Variants in CARF observed in about 807,000 individuals in gnomAD.
CARF encodes the protein calcium-responsive transcription factor.
CARF carries 57 observed loss-of-function variants against 82.0 expected under a neutral mutation model. That is an observed-to-expected ratio of 0.70 (90% CI 0.56 to 0.87). The LOEUF is 0.87. Ranked by LOEUF, CARF falls within the 40% of genes least tolerant of loss-of-function variation. The probability of loss-of-function intolerance (pLI) is 0.00; values close to 1 mark genes in which losing one functional copy is unlikely to be tolerated. For synonymous variants in CARF, 268 were observed against 290.1 expected, an observed-to-expected ratio of 0.92 and a Z score of 0.77; for missense variants, 771 against 855.8, an observed-to-expected ratio of 0.90 and a Z score of 1.24.
intron 8 of CARF, among the ~76,000 whole-genome samples, chr2:202,958,796 T>G (rs1055020237): frequency 6.6e-6 from 1 of 151,514 alleles, no homozygotes; most frequent in Non-Finnish European, 1.5e-5. Context: ...TCCCAGCTAC[T>G]CGGGAGGCTG....
chr2:202,963,970 G>A (rs1030959656), intron 9 of CARF, among the ~76,000 whole-genome samples: 1 of 152,076 alleles, frequency 6.6e-6, no homozygotes, highest in South Asian at 2.1e-4. Context: ...GACTGGTAGT[G>A]GTCCAGTCTG....
chr2:202,922,433 A>G (rs1209129299), intron 2 of CARF, among the ~76,000 whole-genome samples: 1 of 152,108 alleles, frequency 6.6e-6, no homozygotes, highest in African/African-American at 2.4e-5. Flanking sequence ...AGAAAAGGAT[A>G]CCCACTCTCA....
At chr2:202,964,311 ACT>A (rs1235038701) in intron 9 of CARF, among the ~76,000 whole-genome samples, 5 of 151,790 alleles carry the variant, frequency 3.3e-5, no homozygotes, top group Non-Finnish European at 7.4e-5. Flanking sequence ...TCGGGGTCTC[ACT>A]CTGTCACCCA....
chr2:202,945,621 G>A (rs568453973), intron 5 of CARF, among the ~76,000 whole-genome samples: 9 of 152,216 alleles, frequency 5.9e-5, no homozygotes, highest in Non-Finnish European at 1.0e-4. Flanking sequence ...CTCCATCTGC[G>A]TTCCCACAAA....
chr2:202,955,121 AC>A (rs1356777203), intron 7 of CARF, among the ~76,000 whole-genome samples: 6 of 152,152 alleles, frequency 3.9e-5, no homozygotes, highest in African/African-American at 1.4e-4. Context: ...CTTTTTGCTA[AC>A]TTTTATTTCA....
intron 5 of CARF, among the ~76,000 whole-genome samples, chr2:202,947,331 A>G (rs919321684): frequency 6.6e-6 from 1 of 152,210 alleles, no homozygotes; most frequent in East Asian, 1.9e-4. Flanking sequence ...TTGCAGGGAC[A>G]TGGCTGAAGC....
chr2:202,937,915 G>A (rs1694207931), intron 3 of CARF, among the ~76,000 whole-genome samples: 1 of 147,210 alleles, frequency 6.8e-6, no homozygotes, highest in South Asian at 2.2e-4. Flanking sequence ...GTGAGCCGTT[G>A]CACCCAGCCA....
intron 2 of CARF, among the ~76,000 whole-genome samples, chr2:202,921,237 G>C (rs1690736499): frequency 6.6e-6 from 1 of 152,158 alleles, no homozygotes; most frequent in Non-Finnish European, 1.5e-5. Flanking sequence ...TCCTGACTTT[G>C]TGATCCGCCT....
Position 202,954,051 on chromosome 2 carries a change from A to G in CARF, c.474A>G (p.Arg158=). 2 of 1,613,006 alleles carry G rather than the reference A, an allele frequency of 1.2e-6. No homozygotes were observed. Among genetic ancestry groups the G allele is most frequent in the Non-Finnish European group, 1.7e-6 (2 of 1,179,554 alleles). Residue 158 remains arginine, a synonymous_variant, in exon 7 of 17, where the codon AGA becomes AGG. Transcript: ENST00000438828. The part of the protein sequence containing the change: ...KPSNRNLPTV[R]VDTLADNTSN... ...GTAACAGAAACTTACCAACTGTAAG[A>G]GTGGATACTCTAGCAGACAATACCA... is the stretch of plus-strand genomic sequence containing the variant.
At chr2:202,932,326 G>A (rs924557761) in intron 3 of CARF, among the ~76,000 whole-genome samples, 6 of 152,240 alleles carry the variant, frequency 3.9e-5, no homozygotes, top group South Asian at 2.1e-4. Flanking sequence ...TGGGGTACAG[G>A]TTAGCACTCT....
chr2:202,936,885 A>G (rs1694036498), intron 3 of CARF, among the ~76,000 whole-genome samples: 1 of 152,262 alleles, frequency 6.6e-6, no homozygotes. Flanking sequence ...ATGCAAAGAC[A>G]TGAAGATTTA....
chr2:202,957,725 C>A (rs751608360), intron 8 of CARF, among the ~76,000 whole-genome samples: 8 of 152,054 alleles, frequency 5.3e-5, no homozygotes, highest in Non-Finnish European at 1.2e-4. Flanking sequence ...GAAGCCAAAG[C>A]GGGCAGATCA....
Position 202,982,109 on chromosome 2 carries a change from A to T in CARF, c.1727A>T (p.Glu576Val). The change falls in exon 16 of 17, where the codon GAA becomes GTA. Residue 576 changes from glutamate to valine, a missense_variant. Coordinates refer to ENST00000438828, the MANE Select transcript of CARF (RefSeq NM_024744.17). ...CAACCAAGGTACACCTCTCCTGATG[A>T]ATCACCAGCTGTGGTATCAGTAAAT... ...QLQPRYTSPD[E>V]SPAVVSVNNQ... 6.2e-7 allele frequency: 1 copy of T among 1,614,130 alleles called. No individual in the cohort carries two copies. Among genetic ancestry groups the T allele is most frequent in the Non-Finnish European group, 8.5e-7 (1 of 1,179,978 alleles).
chr2:202,929,673 T>C (rs1302187655), intron 3 of CARF, among the ~76,000 whole-genome samples: 2 of 152,244 alleles, frequency 1.3e-5, no homozygotes, highest in Non-Finnish European at 2.9e-5. Context: ...TCAAGGTCTT[T>C]TGTGGTTCCA....
intron 5 of CARF, among the ~76,000 whole-genome samples, chr2:202,950,741 C>T (rs573409542): frequency 1.3e-5 from 2 of 152,214 alleles, no homozygotes; most frequent in East Asian, 1.9e-4. Context: ...TTGAGATACA[C>T]GTGATGAGGA....
intron 14 of CARF, among the ~76,000 whole-genome samples, chr2:202,980,506 GTTAA>G (rs1459600771): frequency 4.0e-5 from 6 of 150,070 alleles, no homozygotes; most frequent in South Asian, 2.1e-4. Context: ...TAAGTTTGGT[GTTAA>G]TTGAGAAGCT....
intron 14 of CARF, 114 bp from the exon 15 acceptor site, chr2:202,981,441 A>G: frequency 2.5e-6 from 2 of 809,258 alleles, no homozygotes; most frequent in Non-Finnish European, 3.7e-6. Context: ...TCCTTTGCAA[A>G]ACTTTGAAAG....
rs371655906 is a variant in CARF at position 202,952,509 on chromosome 2, A to G, written c.307-50A>G. 44 of 1,547,378 alleles carry G rather than the reference A, an allele frequency of 2.8e-5. No individual in the cohort carries two copies. The African/African-American group carries it at 5.5e-4, about 19-fold the overall frequency. On this transcript the variant is annotated intron_variant, in intron 5 of 16. Coordinates refer to ENST00000438828, the MANE Select transcript of CARF (RefSeq NM_024744.17). ...ATTTATTTAATTAATAATTTTTGTTAAATCAGTCTAGGCATATGCATTTGA... is the reference window on the plus strand; with the variant it reads ...ATTTATTTAATTAATAATTTTTGTTGAATCAGTCTAGGCATATGCATTTGA...
At chr2:202,983,479 T>A (rs1264791630) in intron 16 of CARF, 27 bp from the exon 17 acceptor site, 3 of 1,382,314 alleles carry the variant, frequency 2.2e-6, no homozygotes, top group Non-Finnish European at 2.0e-6. Flanking sequence ...AGATTAACTT[T>A]TAGGATTTTT....
Sources: allele counts gnomAD v4.1 joint callset (sites outside exome capture counted in the v4.1 genomes callset), GRCh38; gene constraint gnomAD v4.1.1; transcripts MANE v1.5; gene names NCBI Gene and HGNC (gene_info 2026-07-23, HGNC 2026-07-21).